TNFRSF14: variants seen among roughly 807,000 people sequenced by gnomAD.
The protein encoded by TNFRSF14 is TNF receptor superfamily member 14, also known as tumor necrosis factor receptor superfamily member 14.
TNFRSF14 carries 18 observed loss-of-function variants against 34.1 expected under a neutral mutation model. That is an observed-to-expected ratio of 0.53 (90% CI 0.36 to 0.78). The LOEUF is 0.78. Ranked by LOEUF, TNFRSF14 falls within the 30% of genes least tolerant of loss-of-function variation. The pLI, the probability that TNFRSF14 is intolerant of heterozygous loss-of-function variation, is 0.00. For missense variants in TNFRSF14, 352 were observed against 379.5 expected (o/e 0.93, Z 0.60); for synonymous variants, 157 against 153.2 (o/e 1.02, Z -0.18).
chr1:2,556,707 A>C lies in TNFRSF14; in HGVS notation c.43A>C (p.Thr15Pro). 6.2e-7 allele frequency: 1 copy of C among 1,605,286 alleles called. No individual in the cohort carries two copies. Among genetic ancestry groups the C allele is most frequent in the Non-Finnish European group, 8.5e-7 (1 of 1,175,872 alleles). ...CTGGGGGCCTCCTCCCTGGAGATCCACCCCCAAAACCGACGTCTTGAGGCT... is the reference window on the plus strand; with the variant it reads ...CTGGGGGCCTCCTCCCTGGAGATCCCCCCCCAAAACCGACGTCTTGAGGCT... ...GDWGPPPWRSTPKTDVLRLVL... is the reference protein window; with the variant it reads ...GDWGPPPWRSPPKTDVLRLVL... Residue 15 changes from threonine to proline, a missense_variant, in exon 1 of 8, where the codon ACC becomes CCC. Coordinates refer to ENST00000355716, the MANE Select transcript of TNFRSF14 (RefSeq NM_003820.4).
At chr1:2,562,756 G>C in intron 6 of TNFRSF14, 109 bp from the exon 7 acceptor site, 1 of 1,423,316 alleles carries the variant, frequency 7.0e-7, no homozygotes, top group South Asian at 1.1e-5. Context: ...CGGTCTCCCA[G>C]GGAGAAGCAG....
chr1:2,556,687 G>A lies in TNFRSF14; in HGVS notation c.23G>A (p.Gly8Glu), dbSNP rs968975016. 1.9e-6 allele frequency: 3 copies of A among 1,609,250 alleles called. No individual in the cohort carries two copies. The highest frequency in any genetic ancestry group is 2.7e-5 in the African/African-American group (2 of 74,776). Residue 8 changes from glycine (G) to glutamate (E), a missense_variant, in exon 1 of 8, where the codon GGG (glycine) becomes GAG (glutamate). By Grantham distance (98) the Gly-to-Glu change is moderately conservative (BLOSUM62 -2). Coordinates refer to ENST00000355716, the MANE Select transcript of TNFRSF14 (RefSeq NM_003820.4). ...GGCATGGAGCCTCCTGGAGACTGGGGGCCTCCTCCCTGGAGATCCACCCCC... is the reference window on the plus strand; with the variant it reads ...GGCATGGAGCCTCCTGGAGACTGGGAGCCTCCTCCCTGGAGATCCACCCCC... MEPPGDWGPPPWRSTPKT... is the reference protein window; with the variant it reads MEPPGDWEPPPWRSTPKT...
At position 2,562,670 on chromosome 1, in the gene TNFRSF14, C is replaced by T. The variant is rs796367422; in HGVS notation, c.695-195C>T. The T allele has an allele frequency of 4.0e-6, 3 of 741,212 alleles. No individual in the cohort carries two copies. The African/African-American group carries it at 5.1e-5, about 13-fold the overall frequency. The allele number at this position is 741,212 out of a possible 1,614,324, so 45.9% of individuals were successfully genotyped here. A position where few individuals can be genotyped will look rare whatever the true frequency, so the allele number is the denominator to read the frequency against. ...CAGTCCTATCACCCATGCTGGGCCT[C>T]CTGGGGACAGGCTGGGCTAGCAGTC... On this transcript the variant is annotated intron_variant, in intron 6 of 7. Transcript: ENST00000355716.
At chr1:2,556,305 G>A (rs1349066619), upstream of TNFRSF14, 3 of 580,370 alleles carry the variant, frequency 5.2e-6, no homozygotes, top group Non-Finnish European at 9.8e-6. Context: ...CCCTTCTACA[G>A]GAAACCCGGA....
At chr1:2,563,118 G>T in intron 7 of TNFRSF14, 30 bp from the exon 8 acceptor site, 1 of 1,611,810 alleles carries the variant, frequency 6.2e-7, no homozygotes, top group Non-Finnish European at 8.5e-7. Flanking sequence ...GCCTGAGCAG[G>T]CAGGGTCTCC....
intron 4 of TNFRSF14, 129 bp from the exon 5 acceptor site, chr1:2,560,495 C>T (rs931961320): frequency 5.2e-5 from 34 of 657,876 alleles, no homozygotes; most frequent in Non-Finnish European, 8.4e-5. Flanking sequence ...GAGCCTGCCC[C>T]TCCCCGCTGG....
chr1:2,557,891 C>T lies in TNFRSF14; in HGVS notation c.178+57C>T, dbSNP rs934855768. The T allele has an allele frequency of 5.0e-6, 7 of 1,391,774 alleles. 1 individual carries two copies. In the African/African-American group the frequency reaches 5.7e-5, roughly 11 times the overall value. 86.2% of individuals were successfully genotyped at this position (1,391,774 alleles called of 1,614,324 possible). ...TGGGCCGAGGGCAGACACTCTTGCC[C>T]CCTTCTGCCCCAGACACCCCTGTGT... is the stretch of plus-strand genomic sequence containing the variant. On this transcript the variant is annotated intron_variant, in intron 2 of 7. Coordinates refer to ENST00000355716, the MANE Select transcript of TNFRSF14 (RefSeq NM_003820.4).
chr1:2,562,549 A>G (rs1421458617), intron 6 of TNFRSF14: 2 of 531,626 alleles, frequency 3.8e-6, no homozygotes, highest in Non-Finnish European at 6.7e-6. Context: ...GGGCCTCTCC[A>G]CTGTGAAGCG....
Position 2,561,578 on chromosome 1 carries a change from G to T in TNFRSF14, c.552-95G>T. On this transcript the variant is annotated intron_variant, in intron 5 of 7. Coordinates refer to ENST00000355716, the MANE Select transcript of TNFRSF14 (RefSeq NM_003820.4). The surrounding 1 kb of genome is among the most constrained non-coding windows in gnomAD (Gnocchi z 6.0). ...AGCCTCCCTGGGACCTGTCTTCACT[G>T]CCTGGGGCCCTGGGAGCCAGGGAGG... is the stretch of plus-strand genomic sequence containing the variant. 1 of 1,595,498 alleles carries T rather than the reference G, an allele frequency of 6.3e-7. No individual in the cohort carries two copies. The highest frequency in any genetic ancestry group is 8.5e-7 in the Non-Finnish European group (1 of 1,171,274).
intron 3 of TNFRSF14, 115 bp downstream of exon 3, chr1:2,558,583 C>G (rs1644254758): frequency 6.4e-7 from 1 of 1,556,524 alleles, no homozygotes; most frequent in Non-Finnish European, 8.6e-7. Flanking sequence ...TGCCCCAGGC[C>G]AGGTCCCAAC....
At position 2,561,629 on chromosome 1, in the gene TNFRSF14, G is replaced by A. The variant is rs1486655476; in HGVS notation, c.552-44G>A. 6.2e-7 allele frequency: 1 copy of A among 1,610,416 alleles called. No individual in the cohort carries two copies. ...CTCCCTGAGGCTGAGTGAACACTGG[G>A]CGCTGCACCTGCCTCTCCCACGTCC... On this transcript the variant is annotated intron_variant, in intron 5 of 7. Coordinates refer to ENST00000355716, the MANE Select transcript of TNFRSF14 (RefSeq NM_003820.4). The surrounding 1 kb of genome is among the most constrained non-coding windows in gnomAD (Gnocchi z 6.0).
At chr1:2,556,765 G>A (rs1268936638) in intron 1 of TNFRSF14, 32 bp downstream of exon 1, 6 of 1,561,952 alleles carry the variant, frequency 3.8e-6, no homozygotes, top group East Asian at 2.3e-5. Flanking sequence ...CCGTCTGCTC[G>A]CAGATCCCAG....
intron 6 of TNFRSF14, chr1:2,562,198 A>G (rs1184166882): frequency 2.3e-5 from 7 of 308,530 alleles, no homozygotes; most frequent in Non-Finnish European, 4.2e-5. Context: ...CATTGAGGAG[A>G]GTAAGGCCAT....
chr1:2,558,486 C>A lies in TNFRSF14; in HGVS notation c.304+18C>A. On this transcript the variant is annotated intron_variant, in intron 3 of 7. Coordinates refer to ENST00000355716, the MANE Select transcript of TNFRSF14 (RefSeq NM_003820.4). ...TGACCCAGGTAAGAGGCCAGCACAG[C>A]CGGCCCAGCCTCCGCTTGGGCAGCC... The A allele has an allele frequency of 3.7e-6, 6 of 1,611,942 alleles. No individual in the cohort carries two copies. The highest frequency in any genetic ancestry group is 4.2e-6 in the Non-Finnish European group (5 of 1,179,564).
intron 7 of TNFRSF14, 110 bp downstream of exon 7, chr1:2,563,006 G>C (rs1644333191): frequency 1.3e-6 from 2 of 1,547,606 alleles, no homozygotes; most frequent in African/African-American, 1.4e-5. Flanking sequence ...GTTCTCTGAG[G>C]GTCCTGAGTC....
chr1:2,562,059 C>T (rs761553764), intron 6 of TNFRSF14: 330 of 581,944 alleles, frequency 5.7e-4, no homozygotes, highest in Non-Finnish European at 8.8e-4. Flanking sequence ...CCCCTGCCCA[C>T]GCACTCTATG....
chr1:2,560,213 C>T (rs1557479525), intron 4 of TNFRSF14, among the ~76,000 whole-genome samples: 2 of 152,132 alleles, frequency 1.3e-5, no homozygotes. Context: ...TGCTCCACCT[C>T]GGGGTTCTGG....
chr1:2,562,815 C>T, intron 6 of TNFRSF14, 50 bp from the exon 7 acceptor site: 1 of 1,612,890 alleles, frequency 6.2e-7, no homozygotes, highest in East Asian at 2.2e-5. Context: ...GAGCCTGTGT[C>T]CCCTGATCAG....
chr1:2,562,107 A>G lies in TNFRSF14; in HGVS notation c.694+292A>G, dbSNP rs899796402. The G allele has an allele frequency of 3.0e-5, 15 of 492,802 alleles. No individual in the cohort carries two copies. In the East Asian group the frequency reaches 3.1e-4, roughly 10 times the overall value. The allele number at this position is 492,802 out of a possible 1,614,324, so 30.5% of individuals were successfully genotyped here. A position where few individuals can be genotyped will look rare whatever the true frequency, so the allele number is the denominator to read the frequency against. On this transcript the variant is annotated intron_variant, in intron 6 of 7. Transcript: ENST00000355716. Reference sequence around the variant, plus strand: ...TGCCTGCCCCCTGTGGGATGTGGGGAGCAGGACAGGCCCTGCTCAGCTGGG... The same window carrying G: ...TGCCTGCCCCCTGTGGGATGTGGGGGGCAGGACAGGCCCTGCTCAGCTGGG...
Sources: gnomAD v4.1 joint callset for allele counts (sites outside exome capture counted in the v4.1 genomes callset) on GRCh38, gnomAD v4.1.1 for gene constraint, Gnocchi (gnomAD v3.1) non-coding constraint, MANE v1.5 for transcripts, NCBI Gene and HGNC (gene_info 2026-07-23, HGNC 2026-07-21) for gene names.